The following SLC25A25 variants were observed in gnomAD, a reference collection of about 807,000 sequenced individuals.
SLC25A25 encodes solute carrier family 25 member 25, also known as mitochondrial adenyl nucleotide antiporter SLC25A25.
A neutral mutation model predicts 57.7 loss-of-function variants in SLC25A25; 32 were observed. The ratio of observed to expected loss-of-function variants is 0.55; its 90% CI spans 0.42 to 0.74. The LOEUF is 0.74. Among genes scored for constraint, SLC25A25 ranks in the 30% least tolerant of loss-of-function variants. The probability of loss-of-function intolerance (pLI) is 0.00; values close to 1 mark genes in which losing one functional copy is unlikely to be tolerated. For synonymous variants in SLC25A25, 306 were observed against 291.2 expected, an observed-to-expected ratio of 1.05 and a Z score of -0.52; for missense variants, 556 against 701.3, an observed-to-expected ratio of 0.79 and a Z score of 2.34.
chr9:128,098,454 A>G (rs1833634320), intron 1 of SLC25A25: 2 of 1,471,634 alleles, frequency 1.4e-6, no homozygotes, highest in African/African-American at 2.8e-5. Context: ...GGGCTTAAGC[A>G]GCCAATGACA....
rs1233798365 is a variant in SLC25A25, at chr9:128,106,518, G to A, written c.1210G>A (p.Glu404Lys). 1.9e-6 allele frequency: 3 copies of A among 1,601,000 alleles called. No homozygotes were observed. The highest frequency in any genetic ancestry group is 2.2e-5 in the East Asian group (1 of 44,816). The change falls in exon 9 of 11, where the codon GAG becomes AAG. Residue 404 changes from glutamate (E) to lysine (K), a missense_variant and splice_region_variant. Transcript: ENST00000373069. ...PYAGIDLAVYETLKNAWLQHY... is the reference protein window; with the variant it reads ...PYAGIDLAVYKTLKNAWLQHY... ...TGCCGGCATCGACCTTGCAGTCTAC[G>A]AGGTGAGGCCCAAGCTGGACAGATT...
intron 1 of SLC25A25, among the ~76,000 whole-genome samples, chr9:128,075,241 A>AG (rs1323365706): frequency 6.6e-6 from 1 of 152,108 alleles, no homozygotes; most frequent in Non-Finnish European, 1.5e-5. Context: ...TGGGAGGCTG[A>AG]GGTTGCAGTG....
chr9:128,072,948 G>T (rs1832938188), intron 1 of SLC25A25, among the ~76,000 whole-genome samples: 5 of 152,208 alleles, frequency 3.3e-5, no homozygotes, highest in Admixed American at 2.6e-4. Flanking sequence ...TGGGGCTCTT[G>T]TAAGGGGCTG....
Position 128,076,856 on chromosome 9 carries a change from G to C in SLC25A25, c.261+8276G>C, listed in dbSNP as rs533714589. ...TCTTGGATGGGTGACGGGCCATCAT[G>C]GTCACTAGCCAGCCTTCCACCCAAC... is the stretch of plus-strand genomic sequence containing the variant. On this transcript the variant is annotated intron_variant, in intron 1 of 10. Transcript: ENST00000373069. Among the ~76,000 whole-genome samples, 3 of 152,272 alleles carry C rather than the reference G, an allele frequency of 2.0e-5. No individual in the cohort carries two copies. In the South Asian group the frequency reaches 6.2e-4, roughly 32 times the overall value.
At chr9:128,089,367 C>G (rs1258003747) in intron 1 of SLC25A25, among the ~76,000 whole-genome samples, 1 of 152,132 alleles carries the variant, frequency 6.6e-6, no homozygotes, top group Non-Finnish European at 1.5e-5. Flanking sequence ...TTAACCAATT[C>G]TATGAAGTAC....
At chr9:128,081,683 C>G (rs981712050) in intron 1 of SLC25A25, among the ~76,000 whole-genome samples, 2 of 152,122 alleles carry the variant, frequency 1.3e-5, no homozygotes, top group Non-Finnish European at 2.9e-5. Flanking sequence ...ACTCCCAGCA[C>G]TTTGGGAGGC....
chr9:128,092,250 ATCTT>A (rs1467674635), intron 1 of SLC25A25, among the ~76,000 whole-genome samples: 1 of 151,842 alleles, frequency 6.6e-6, no homozygotes, highest in Non-Finnish European at 1.5e-5. Context: ...GCAATCTAAA[ATCTT>A]TCTGTGGCCC....
At chr9:128,069,076 T>C (rs111360273) in intron 1 of SLC25A25, among the ~76,000 whole-genome samples, 52 of 152,320 alleles carry the variant, frequency 3.4e-4, no homozygotes, top group Middle Eastern at 3.4e-3. Context: ...CGTGTGGACG[T>C]TGGCGGCGAA....
At position 128,102,514 on chromosome 9, in the gene SLC25A25, TCCCAGGGACCCTTAG is replaced by T. The variant is rs1247526752; in HGVS notation, c.624+39_624+53del. The T allele has an allele frequency of 6.4e-7, 1 of 1,567,472 alleles. No homozygotes were observed. Among genetic ancestry groups the T allele is most frequent in the South Asian group, 1.1e-5 (1 of 89,182 alleles). The stretch of plus-strand genomic sequence containing the variant: ...CCACGTGCCCAGGGCCCTCATCTGC[TCCCAGGGACCCTTAG>T]CCCAGAGTCACCCAGTCGTCCCCAT... On this transcript the variant is annotated intron_variant, in intron 5 of 10. Transcript: ENST00000373069. This position sits in a 1 kb window ranked among gnomAD's most constrained non-coding sequence, Gnocchi z 4.1.
At chr9:128,074,017 A>G (rs1217683812) in intron 1 of SLC25A25, among the ~76,000 whole-genome samples, 2 of 151,356 alleles carry the variant, frequency 1.3e-5, no homozygotes, top group African/African-American at 2.4e-5. Flanking sequence ...TACAGGTGTG[A>G]GCCACCATGC....
chr9:128,079,140 T>TC lies in SLC25A25; in HGVS notation c.261+10561dup, dbSNP rs537164591. Among the ~76,000 whole-genome samples the TC allele has an allele frequency of 7.0e-4, 107 of 152,218 alleles. 4 individuals are homozygous for TC. The highest frequency in any genetic ancestry group is 6.6e-3 in the East Asian group (34 of 5,178). On this transcript the variant is annotated intron_variant, in intron 1 of 10. Coordinates refer to ENST00000373069, the MANE Select transcript of SLC25A25 (RefSeq NM_001330988.2). ...AAGGAGCTTCTTATCTACTTTAAGCTCTTGGCTGGCTTTTCCAGGAAGTTT... is the reference window on the plus strand; with the variant it reads ...AAGGAGCTTCTTATCTACTTTAAGCTCCTTGGCTGGCTTTTCCAGGAAGTTT...
At chr9:128,090,462 G>A (rs1461831631) in intron 1 of SLC25A25, among the ~76,000 whole-genome samples, 1 of 151,586 alleles carries the variant, frequency 6.6e-6, no homozygotes, top group African/African-American at 2.4e-5. Flanking sequence ...CTCCCAAAGT[G>A]CTGGGATTAT....
intron 1 of SLC25A25, chr9:128,098,790 G>T: frequency 6.3e-7 from 1 of 1,580,914 alleles, no homozygotes; most frequent in South Asian, 1.2e-5. Flanking sequence ...GTGAATGGCT[G>T]AGCATGCATG....
At chr9:128,100,196 A>AG (rs150279169) in intron 1 of SLC25A25, among the ~76,000 whole-genome samples, 1 of 151,974 alleles carries the variant, frequency 6.6e-6, no homozygotes, top group African/African-American at 2.4e-5. Context: ...GCTGTTTGCG[A>AG]GGGGGGTAAG....
intron 1 of SLC25A25, among the ~76,000 whole-genome samples, chr9:128,077,547 T>A (rs1477060077): frequency 1.4e-5 from 2 of 142,810 alleles, no homozygotes; most frequent in Non-Finnish European, 3.0e-5. Context: ...GCAAAGATCA[T>A]GCACTGTATG....
intron 1 of SLC25A25, among the ~76,000 whole-genome samples, chr9:128,094,019 G>T (rs1043539725): frequency 6.6e-6 from 1 of 152,264 alleles, no homozygotes; most frequent in South Asian, 2.1e-4. Context: ...GTGGTGGTGC[G>T]TGCCTGTACT....
At chr9:128,070,969 A>AAAAAAAAAAAAAAG (rs1564175718) in intron 1 of SLC25A25, among the ~76,000 whole-genome samples, 1 of 131,130 alleles carries the variant, frequency 7.6e-6, no homozygotes, top group Admixed American at 8.2e-5. Flanking sequence ...AAAAAAAAAA[A>AAAAAAAAAAAAAAG]AAAAGAAAGA....
intron 1 of SLC25A25, among the ~76,000 whole-genome samples, chr9:128,070,541 A>G (rs1422369003): frequency 1.3e-5 from 2 of 151,302 alleles, no homozygotes; most frequent in African/African-American, 2.4e-5. Context: ...GCACCCGGCT[A>G]GAGACAGGTT....
At position 128,106,565 on chromosome 9, in the gene SLC25A25, C is replaced by T. The variant is rs755603735; in HGVS notation, c.1212+45C>T. On this transcript the variant is annotated intron_variant, in intron 9 of 10. Transcript: ENST00000373069. ...GATTTAGAAACCTCCTCCCAGCACA[C>T]CTCCACCTGCTGTCTCCCTCCTTGA... The T allele has an allele frequency of 5.2e-6, 8 of 1,529,282 alleles. No individual in the cohort carries two copies. In the Admixed American group the frequency reaches 1.4e-4, roughly 27 times the overall value. The allele number at this position is 1,529,282 out of a possible 1,614,324, so 94.7% of individuals were successfully genotyped here. A position where few individuals can be genotyped will look rare whatever the true frequency, so the allele number is the denominator to read the frequency against.
Sources: allele counts gnomAD v4.1 joint callset (sites outside exome capture counted in the v4.1 genomes callset), GRCh38; gene constraint gnomAD v4.1.1; non-coding constraint Gnocchi (gnomAD v3.1); transcripts MANE v1.5; gene names NCBI Gene and HGNC (gene_info 2026-07-23, HGNC 2026-07-21).